IQCJ: variants seen among roughly 807,000 people sequenced by gnomAD.
The protein encoded by IQCJ is IQ motif containing J.
In IQCJ, 9 loss-of-function variants were observed where a neutral mutation model predicts 11.0. The ratio of observed to expected loss-of-function variants is 0.82; its 90% confidence interval spans 0.49 to 1.43. The LOEUF is 1.43. Ranked by LOEUF, IQCJ falls within the 40% of genes most tolerant of loss-of-function variation. The pLI, the probability that IQCJ is intolerant of heterozygous loss-of-function variation, is 0.00. For synonymous variants in IQCJ, 55 were observed against 51.3 expected, an observed-to-expected ratio of 1.07 and a Z score of -0.31; for missense variants, 146 against 133.2, an observed-to-expected ratio of 1.10 and a Z score of -0.47.
chr3:159,162,322 G>C (rs1013909476), intron 1 of IQCJ, among the ~76,000 whole-genome samples: 3 of 152,054 alleles, frequency 2.0e-5, no homozygotes, highest in Admixed American at 2.0e-4. Context: ...CCATGATTTG[G>C]CTGTCTGTTT....
At chr3:159,258,434 G>T (rs1728020713) in intron 3 of IQCJ, among the ~76,000 whole-genome samples, 1 of 152,170 alleles carries the variant, frequency 6.6e-6, no homozygotes, top group Non-Finnish European at 1.5e-5. Flanking sequence ...TGGGTAAAGA[G>T]TTGGTGGATC....
chr3:159,177,367 C>T (rs978181406), intron 1 of IQCJ, among the ~76,000 whole-genome samples: 3 of 152,156 alleles, frequency 2.0e-5, no homozygotes, highest in African/African-American at 4.8e-5. Context: ...TAACTGACAA[C>T]GCCATGTGCT....
intron 1 of IQCJ, among the ~76,000 whole-genome samples, chr3:159,086,439 T>G (rs1576994560): frequency 6.6e-6 from 1 of 152,212 alleles, no homozygotes; most frequent in Admixed American, 6.5e-5. Flanking sequence ...AGTAGTTTTT[T>G]CCAATTCTTT....
chr3:159,078,324 A>G (rs900590138), intron 1 of IQCJ, among the ~76,000 whole-genome samples: 2 of 152,058 alleles, frequency 1.3e-5, no homozygotes, highest in African/African-American at 4.8e-5. Flanking sequence ...TTGAGGGTGG[A>G]AGTAATTTGC....
chr3:159,071,633 G>T (rs1024588752), intron 1 of IQCJ, among the ~76,000 whole-genome samples: 6 of 152,018 alleles, frequency 3.9e-5, no homozygotes, highest in African/African-American at 1.4e-4. Flanking sequence ...GTAAAAAGAG[G>T]TTTTGTTTTT....
At chr3:159,091,198 G>A (rs1480466780) in intron 1 of IQCJ, among the ~76,000 whole-genome samples, 1 of 151,882 alleles carries the variant, frequency 6.6e-6, no homozygotes. Context: ...CATGAATACA[G>A]GTGTAGGGCA....
chr3:159,252,866 A>T, intron 3 of IQCJ, 59 bp downstream of exon 3: 1 of 1,535,178 alleles, frequency 6.5e-7, no homozygotes. Context: ...ATTCCTGAAT[A>T]AATCTGGAAT....
intron 1 of IQCJ, among the ~76,000 whole-genome samples, chr3:159,107,858 G>T (rs1360814497): frequency 6.6e-6 from 1 of 151,994 alleles, no homozygotes; most frequent in Non-Finnish European, 1.5e-5. Context: ...TTCACTGGAT[G>T]TCCTGGACAA....
chr3:159,077,363 A>G (rs1715993985), intron 1 of IQCJ, among the ~76,000 whole-genome samples: 1 of 152,158 alleles, frequency 6.6e-6, no homozygotes, highest in Non-Finnish European at 1.5e-5. Flanking sequence ...GAATTTTTCT[A>G]CAGGTGAGCT....
chr3:159,255,522 T>G (rs1275409730), intron 3 of IQCJ, among the ~76,000 whole-genome samples: 1 of 152,028 alleles, frequency 6.6e-6, no homozygotes, highest in Non-Finnish European at 1.5e-5. Flanking sequence ...AGGAAAGAAT[T>G]TATAAGAAAG....
At chr3:159,207,636 T>C (rs1271873811) in intron 1 of IQCJ, among the ~76,000 whole-genome samples, 1 of 152,138 alleles carries the variant, frequency 6.6e-6, no homozygotes, top group Non-Finnish European at 1.5e-5. Flanking sequence ...CTCGTAGAAG[T>C]TGTAAATAAG....
At chr3:159,077,558 G>T (rs527398475) in intron 1 of IQCJ, among the ~76,000 whole-genome samples, 14 of 152,208 alleles carry the variant, frequency 9.2e-5, no homozygotes, top group African/African-American at 3.4e-4. Flanking sequence ...ATATTAAAAA[G>T]TATACAAACA....
intron 1 of IQCJ, among the ~76,000 whole-genome samples, chr3:159,223,638 C>T (rs556721544): frequency 9.2e-5 from 14 of 152,214 alleles, no homozygotes; most frequent in African/African-American, 3.4e-4. Flanking sequence ...AGGCATTTTA[C>T]CATATATGTT....
At chr3:159,247,776 C>A (rs1436753682) in intron 2 of IQCJ, among the ~76,000 whole-genome samples, 4 of 152,150 alleles carry the variant, frequency 2.6e-5, no homozygotes, top group African/African-American at 9.7e-5. Flanking sequence ...GTTTCTATGA[C>A]CTGCCTTGTG....
intron 1 of IQCJ, among the ~76,000 whole-genome samples, chr3:159,201,243 C>T (rs1036057068): frequency 7.9e-5 from 12 of 151,986 alleles, no homozygotes; most frequent in African/African-American, 2.9e-4. Flanking sequence ...GTACATATGC[C>T]CACATAAGTT....
chr3:159,158,343 T>C (rs1721652036), intron 1 of IQCJ, among the ~76,000 whole-genome samples: 1 of 152,198 alleles, frequency 6.6e-6, no homozygotes, highest in South Asian at 2.1e-4. Flanking sequence ...GAACAATACG[T>C]CCTTGAGAAA....
intron 1 of IQCJ, among the ~76,000 whole-genome samples, chr3:159,214,246 G>A (rs552481933): frequency 2.8e-4 from 42 of 152,002 alleles, no homozygotes; most frequent in Non-Finnish European, 4.1e-4. Context: ...TATTCTCTCC[G>A]TTAATGGAGT....
intron 1 of IQCJ, among the ~76,000 whole-genome samples, chr3:159,240,667 C>T (rs938393253): frequency 6.6e-6 from 1 of 152,144 alleles, no homozygotes; most frequent in Non-Finnish European, 1.5e-5. Context: ...AAGTAATTCA[C>T]GGCCAGGCAC....
intron 1 of IQCJ, among the ~76,000 whole-genome samples, chr3:159,093,718 G>A (rs557319300): frequency 5.3e-5 from 8 of 152,010 alleles, no homozygotes; most frequent in African/African-American, 1.9e-4. Flanking sequence ...GGAGGCCTCA[G>A]TAAACTTATT....
Sources: gnomAD v4.1 joint callset for allele counts (sites outside exome capture counted in the v4.1 genomes callset) on GRCh38, gnomAD v4.1.1 for gene constraint, MANE v1.5 for transcripts, NCBI Gene and HGNC (gene_info 2026-07-23, HGNC 2026-07-21) for gene names.